The following OCA2 variants were observed in gnomAD, a reference collection of about 807,000 sequenced individuals.
OCA2 encodes OCA2 melanosomal transmembrane protein, also known as P protein.
In OCA2, 77 loss-of-function variants were observed where a neutral mutation model predicts 100.2. The ratio of observed to expected loss-of-function variants is 0.77; its 90% CI spans 0.64 to 0.93. The LOEUF is 0.93. Among genes scored for constraint, OCA2 ranks in the 40% least tolerant of loss-of-function variants. OCA2 has a pLI of 0.00. For synonymous variants in OCA2, 432 were observed against 439.2 expected, an observed-to-expected ratio of 0.98 and a Z score of 0.21; for missense variants, 1,062 against 1,089.1, an observed-to-expected ratio of 0.98 and a Z score of 0.35.
At chr15:27,970,518 A>G (rs2040740326) in intron 14 of OCA2, among the ~76,000 whole-genome samples, 1 of 151,684 alleles carries the variant, frequency 6.6e-6, no homozygotes, top group African/African-American at 2.4e-5. Context: ...CCCAGCACAC[A>G]CAGCACGGTG....
intron 18 of OCA2, among the ~76,000 whole-genome samples, chr15:27,948,459 T>A (rs2039919053): frequency 6.6e-6 from 1 of 151,782 alleles, no homozygotes; most frequent in African/African-American, 2.4e-5. Context: ...TTTTTGGGGT[T>A]TTTTTGTTTT....
intron 19 of OCA2, among the ~76,000 whole-genome samples, chr15:27,900,771 G>T (rs1435383031): frequency 6.6e-6 from 1 of 152,162 alleles, no homozygotes; most frequent in Non-Finnish European, 1.5e-5. Context: ...CGGGAGCTGG[G>T]CATTCACAGG....
intron 23 of OCA2, among the ~76,000 whole-genome samples, chr15:27,764,164 G>C (rs1263969392): frequency 6.7e-6 from 1 of 149,686 alleles, no homozygotes; most frequent in Non-Finnish European, 1.5e-5. Flanking sequence ...AGAGGGAGGA[G>C]GGAGACGGGG....
chr15:27,867,309 GA>G (rs1446895876), intron 21 of OCA2, among the ~76,000 whole-genome samples: 3 of 151,766 alleles, frequency 2.0e-5, no homozygotes, highest in African/African-American at 4.8e-5. Context: ...AAATGATGGT[GA>G]AAAAAAAGAA....
At chr15:27,741,014 A>T in the OCA2 span, among the ~76,000 whole-genome samples, 3 of 152,222 alleles carry the variant, frequency 2.0e-5, no homozygotes, top group Admixed American at 6.5e-5. Flanking sequence ...GCTCAGCAGC[A>T]TTTCCAGAGC....
rs533557650 is a variant in OCA2 at position 28,031,354 on chromosome 15, G to A, written c.326+711C>T. Among the ~76,000 whole-genome samples the A allele has an allele frequency of 2.2e-3, 340 of 152,308 alleles. 3 individuals are homozygous for A. Among genetic ancestry groups the A allele is most frequent in the African/African-American group, 7.8e-3 (324 of 41,574 alleles). On this transcript the variant is annotated intron_variant, in intron 3 of 23. Coordinates refer to ENST00000354638, the MANE Select transcript of OCA2 (RefSeq NM_000275.3). The stretch of plus-strand genomic sequence containing the variant: ...AGTTTGACAGTGACAATGTCACCAA[G>A]TTTGTGACGTTCAAGGAGCCAGGAA...
At chr15:27,728,560 T>A in the OCA2 span, among the ~76,000 whole-genome samples, 2 of 152,214 alleles carry the variant, frequency 1.3e-5, no homozygotes, top group Non-Finnish European at 2.9e-5. Flanking sequence ...AGGAACCTCG[T>A]GGATCACACA....
At chr15:27,911,458 G>A (rs2038393067) in intron 19 of OCA2, among the ~76,000 whole-genome samples, 1 of 152,138 alleles carries the variant, frequency 6.6e-6, no homozygotes, top group South Asian at 2.1e-4. Flanking sequence ...GGTTTATTTG[G>A]CTCACAGTTC....
rs1030980686 is a variant in OCA2, at chr15:28,014,752, C to T, written c.1044+24G>A. On this transcript the variant is annotated intron_variant, in intron 9 of 23. Coordinates refer to ENST00000354638, the MANE Select transcript of OCA2 (RefSeq NM_000275.3). ...TCCCTGACTGTGGGCCCAGACAGATCGGGGGAGCAGGTGTGAAAGTTACCT... is the reference window on the plus strand; with the variant it reads ...TCCCTGACTGTGGGCCCAGACAGATTGGGGGAGCAGGTGTGAAAGTTACCT... The T allele has an allele frequency of 3.1e-6, 5 of 1,608,472 alleles. No homozygotes were observed. The East Asian group carries it at 6.7e-5, about 22-fold the overall frequency.
chr15:28,009,701 C>CAA (rs2141187603), intron 9 of OCA2, among the ~76,000 whole-genome samples: 1 of 139,634 alleles, frequency 7.2e-6, no homozygotes, highest in East Asian at 2.0e-4. Context: ...CACACACACA[C>CAA]ACACACACAC....
intron 2 of OCA2, among the ~76,000 whole-genome samples, chr15:28,036,183 C>G (rs1231136680): frequency 6.6e-6 from 1 of 152,168 alleles, no homozygotes; most frequent in Admixed American, 6.5e-5. Context: ...GACCATCTGT[C>G]TGTTGATGGA....
chr15:27,801,397 C>A (rs1042950090), intron 23 of OCA2, among the ~76,000 whole-genome samples: 1 of 151,794 alleles, frequency 6.6e-6, no homozygotes, highest in Admixed American at 6.6e-5. Flanking sequence ...ACTAAAAATA[C>A]AAAAATTAGC....
chr15:28,068,190 C>T (rs1021660201), intron 2 of OCA2, among the ~76,000 whole-genome samples: 1 of 152,032 alleles, frequency 6.6e-6, no homozygotes, highest in Non-Finnish European at 1.5e-5. Context: ...GATTTTACTC[C>T]ACCCTTTTAT....
At chr15:28,028,418 A>G (rs2042818553) in intron 3 of OCA2, among the ~76,000 whole-genome samples, 2 of 152,166 alleles carry the variant, frequency 1.3e-5, no homozygotes, top group Admixed American at 6.5e-5. Flanking sequence ...GTCAATACCT[A>G]GATCTGGGAG....
intron 2 of OCA2, among the ~76,000 whole-genome samples, chr15:28,068,285 G>T (rs991740426): frequency 6.6e-6 from 1 of 152,152 alleles, no homozygotes; most frequent in African/African-American, 2.4e-5. Flanking sequence ...CATTACAACT[G>T]ATCCCACAGG....
At chr15:28,070,709 G>GCC in intron 2 of OCA2, among the ~76,000 whole-genome samples, 1 of 149,778 alleles carries the variant, frequency 6.7e-6, no homozygotes, top group Non-Finnish European at 1.5e-5. Context: ...TGGCGGCTTT[G>GCC]TGGAATAGAA....
intron 23 of OCA2, among the ~76,000 whole-genome samples, chr15:27,784,488 GAACCTCTCAAGAGATAATGCAACCAATGA>G (rs2032707688): frequency 6.6e-6 from 1 of 152,164 alleles, no homozygotes; most frequent in Non-Finnish European, 1.5e-5. Flanking sequence ...TAGGGAAAAA[GAACCTCTCAAGAGATAATGCAACCAATGA>G]AACCAGACTC....
chr15:27,749,364 A>G, the OCA2 span, among the ~76,000 whole-genome samples: 1 of 152,228 alleles, frequency 6.6e-6, no homozygotes, highest in Admixed American at 6.5e-5. Flanking sequence ...ATGTCCAGTA[A>G]GACTTCCTTC....
In OCA2 at chr15:28,027,965, T is replaced by C; in HGVS notation, c.421A>G (p.Ser141Gly). 1.2e-6 allele frequency: 2 copies of C among 1,614,192 alleles called. No individual in the cohort carries two copies. The highest frequency in any genetic ancestry group is 1.7e-6 in the Non-Finnish European group (2 of 1,180,030). Residue 141 changes from serine to glycine, a missense_variant, in exon 4 of 24, where the codon AGC (serine) becomes GGC (glycine). Transcript: ENST00000354638. ...SADWERRYLL[S>G]REVSGLSASA... Reference sequence around the variant, plus strand: ...GCAGACAGACCAGACACCTCCCTGCTTAGCAGGTATCTTCGCTCCCAGTCA... The same window carrying C: ...GCAGACAGACCAGACACCTCCCTGCCTAGCAGGTATCTTCGCTCCCAGTCA...
Sources: allele counts gnomAD v4.1 joint callset (sites outside exome capture counted in the v4.1 genomes callset), GRCh38; gene constraint gnomAD v4.1.1; transcripts MANE v1.5; gene names NCBI Gene and HGNC (gene_info 2026-07-23, HGNC 2026-07-21).